CDH12: variants seen among roughly 807,000 people sequenced by gnomAD.
The protein encoded by CDH12 is cadherin 12, also known as cadherin-12.
CDH12 carries 41 observed loss-of-function variants against 74.1 expected under a neutral mutation model. The observed-to-expected ratio is 0.55, with a 90% CI of 0.43 to 0.72. The LOEUF (loss-of-function observed/expected upper bound fraction) is 0.72. Ranked by LOEUF, CDH12 falls within the 30% of genes least tolerant of loss-of-function variation. CDH12 has a pLI of 0.00. For synonymous variants in CDH12, 399 were observed against 355.0 expected (o/e 1.12, Z -1.39); for missense variants, 945 against 977.2 (o/e 0.97, Z 0.44).
At chr5:22,319,741 GA>G (rs1738785152) in intron 3 of CDH12, among the ~76,000 whole-genome samples, 4 of 151,994 alleles carry the variant, frequency 2.6e-5, no homozygotes. Flanking sequence ...TGAACTAGAT[GA>G]AAAAATATCA....
intron 3 of CDH12, among the ~76,000 whole-genome samples, chr5:22,349,782 T>A (rs926041694): frequency 4.0e-4 from 61 of 152,216 alleles, no homozygotes; most frequent in Non-Finnish European, 8.7e-4. Flanking sequence ...TCGCCCAGGC[T>A]GGAGTGCAGT....
chr5:22,492,255 A>C (rs1746904839), intron 2 of CDH12, among the ~76,000 whole-genome samples: 1 of 152,036 alleles, frequency 6.6e-6, no homozygotes, highest in African/African-American at 2.4e-5. Context: ...AGCAGAGATA[A>C]CCAGTAAGAA....
chr5:22,598,909 T>G (rs1270391645), intron 1 of CDH12, among the ~76,000 whole-genome samples: 1 of 152,146 alleles, frequency 6.6e-6, no homozygotes, highest in Non-Finnish European at 1.5e-5. Context: ...CCCTGACATG[T>G]GCACAGCTGG....
intron 6 of CDH12, among the ~76,000 whole-genome samples, chr5:21,958,075 C>T (rs1235899508): frequency 4.6e-5 from 7 of 151,954 alleles, no homozygotes; most frequent in Admixed American, 6.6e-5. Context: ...TGAGTTCTCA[C>T]GAGATCTAAT....
At chr5:22,198,079 T>C (rs1011337651) in intron 4 of CDH12, among the ~76,000 whole-genome samples, 1 of 152,044 alleles carries the variant, frequency 6.6e-6, no homozygotes, top group African/African-American at 2.4e-5. Context: ...TTACTTATAA[T>C]TACAACAAAG....
chr5:21,940,748 A>G (rs113774175), intron 6 of CDH12, among the ~76,000 whole-genome samples: 23 of 152,202 alleles, frequency 1.5e-4, no homozygotes, highest in Non-Finnish European at 4.4e-5. Context: ...TCATGTAGTT[A>G]AACTTGTTAC....
chr5:22,647,055 G>T (rs1037778167), intron 1 of CDH12, among the ~76,000 whole-genome samples: 1 of 151,780 alleles, frequency 6.6e-6, no homozygotes, highest in Non-Finnish European at 1.5e-5. Flanking sequence ...ATTACTGGGG[G>T]ATAGTTTCAT....
At chr5:22,444,497 C>A in intron 2 of CDH12, among the ~76,000 whole-genome samples, 1 of 150,806 alleles carries the variant, frequency 6.6e-6, no homozygotes, top group Non-Finnish European at 1.5e-5. Context: ...CCTAAAGATG[C>A]AAAGATCAAA....
At chr5:21,991,879 A>G (rs1346954002) in intron 5 of CDH12, among the ~76,000 whole-genome samples, 4 of 152,024 alleles carry the variant, frequency 2.6e-5, no homozygotes, top group Non-Finnish European at 5.9e-5. Flanking sequence ...TACTGCTAAG[A>G]ATTAATATCT....
chr5:22,635,310 A>G (rs991690222), intron 1 of CDH12, among the ~76,000 whole-genome samples: 3 of 152,182 alleles, frequency 2.0e-5, no homozygotes, highest in Non-Finnish European at 1.5e-5. Context: ...GAATGAAGTC[A>G]GACTTCATTC....
intron 5 of CDH12, among the ~76,000 whole-genome samples, chr5:21,978,405 A>G (rs1757159657): frequency 6.6e-6 from 1 of 152,132 alleles, no homozygotes. Flanking sequence ...AGCCTCCCAA[A>G]GGGCTGGGAT....
intron 4 of CDH12, among the ~76,000 whole-genome samples, chr5:22,151,111 A>T (rs1239409083): frequency 6.6e-6 from 1 of 152,198 alleles, no homozygotes; most frequent in East Asian, 1.9e-4. Flanking sequence ...TCTACCTGCC[A>T]TGAGTCTATC....
intron 1 of CDH12, among the ~76,000 whole-genome samples, chr5:22,694,503 T>C (rs1742246332): frequency 6.6e-6 from 1 of 152,156 alleles, no homozygotes; most frequent in South Asian, 2.1e-4. Flanking sequence ...AAATACTCTA[T>C]TGTTTTTCTA....
At chr5:22,670,284 A>G (rs906774957) in intron 1 of CDH12, among the ~76,000 whole-genome samples, 2 of 152,082 alleles carry the variant, frequency 1.3e-5, no homozygotes, top group African/African-American at 4.8e-5. Context: ...CTCCCAAAGC[A>G]CTGGGATTAC....
At chr5:22,634,877 C>G (rs903901597) in intron 1 of CDH12, among the ~76,000 whole-genome samples, 1 of 151,980 alleles carries the variant, frequency 6.6e-6, no homozygotes. Flanking sequence ...CTAAAGTTGT[C>G]TCTTCATCAT....
chr5:22,546,014 G>A (rs1036229452), intron 1 of CDH12, among the ~76,000 whole-genome samples: 6 of 151,898 alleles, frequency 4.0e-5, no homozygotes, highest in African/African-American at 1.5e-4. Context: ...GCACAATCTC[G>A]GCTCACTGCA....
chr5:21,760,521 CATG>C (rs768854360), intron 13 of CDH12, 34 bp downstream of exon 13: 4 of 981,138 alleles, frequency 4.1e-6, no homozygotes, highest in East Asian at 4.8e-5. Flanking sequence ...TACAAAGATA[CATG>C]ATAAGAGGTA....
chr5:22,559,639 T>A, intron 1 of CDH12, among the ~76,000 whole-genome samples: 1 of 152,082 alleles, frequency 6.6e-6, no homozygotes, highest in Non-Finnish European at 1.5e-5. Flanking sequence ...GTAACAAGGA[T>A]CAATTTTCAT....
chr5:22,152,814 C>T (rs1267425696), intron 4 of CDH12, among the ~76,000 whole-genome samples: 2 of 152,192 alleles, frequency 1.3e-5, no homozygotes, highest in Admixed American at 1.3e-4. Context: ...CCACTGTTCT[C>T]CTCTCTCTAC....
Sources: gnomAD v4.1 joint callset for allele counts (sites outside exome capture counted in the v4.1 genomes callset) on GRCh38, gnomAD v4.1.1 for gene constraint, MANE v1.5 for transcripts, NCBI Gene and HGNC (gene_info 2026-07-23, HGNC 2026-07-21) for gene names.